The following ITPR2 variants were observed in gnomAD, a reference collection of about 807,000 sequenced individuals.
ITPR2 encodes the protein inositol 1,4,5-trisphosphate-gated calcium channel ITPR2.
ITPR2 carries 207 observed loss-of-function variants against 317.1 expected under a neutral mutation model. The ratio of observed to expected loss-of-function variants is 0.65; its 90% CI spans 0.58 to 0.73. The LOEUF is 0.73. ITPR2 is among the 30% of genes least tolerant of loss of function. The pLI is 0.00. For synonymous variants in ITPR2, 1,156 were observed against 1,149.1 expected (o/e 1.01, Z -0.12); for missense variants, 2,613 against 3,284.0 (o/e 0.80, Z 4.99).
chr12:26,539,506 C>A (rs963367573), intron 37 of ITPR2, among the ~76,000 whole-genome samples: 1 of 152,132 alleles, frequency 6.6e-6, no homozygotes. Context: ...TTGCTTGTTC[C>A]TACTGGATCC....
intron 55 of ITPR2, among the ~76,000 whole-genome samples, chr12:26,371,426 C>T (rs1045149990): frequency 2.0e-5 from 3 of 152,188 alleles, no homozygotes; most frequent in African/African-American, 7.2e-5. Context: ...GTTACCAAGA[C>T]ATCAAGAGTC....
rs184738786 is a variant in ITPR2, at chr12:26,695,609, A to G, written c.993T>C (p.Asn331=). Residue 331 remains asparagine, a synonymous_variant, in exon 10 of 57, where the codon AAT becomes AAC. Transcript: ENST00000381340. ...DYRDAQNEGK[N]VRDGVPPTSK... Reference sequence around the variant, plus strand: ...GAGAAAAGCCAGTTCTACTCACCACATTTTTTCCTTCATTTTGGGCATCTC... The same window carrying G: ...GAGAAAAGCCAGTTCTACTCACCACGTTTTTTCCTTCATTTTGGGCATCTC... 1.2e-6 allele frequency: 2 copies of G among 1,612,504 alleles called. No homozygotes were observed. Among genetic ancestry groups the G allele is most frequent in the East Asian group, 4.5e-5 (2 of 44,814 alleles).
intron 45 of ITPR2, among the ~76,000 whole-genome samples, chr12:26,466,805 A>G (rs1942180929): frequency 6.6e-6 from 1 of 152,214 alleles, no homozygotes. Flanking sequence ...TGTTTGCATA[A>G]TATTCTTGGT....
chr12:26,340,658 T>C (rs562013698), intron 55 of ITPR2, among the ~76,000 whole-genome samples: 6 of 152,280 alleles, frequency 3.9e-5, no homozygotes, highest in African/African-American at 1.4e-4. Context: ...GATCCAAGTG[T>C]GTGTGGGTAC....
chr12:26,460,451 C>T (rs1329879502), intron 45 of ITPR2, among the ~76,000 whole-genome samples: 1 of 152,058 alleles, frequency 6.6e-6, no homozygotes, highest in African/African-American at 2.4e-5. Flanking sequence ...TTCTGAGAAG[C>T]GGAGTTAACA....
intron 37 of ITPR2, among the ~76,000 whole-genome samples, chr12:26,514,476 T>C (rs542047363): frequency 6.6e-6 from 1 of 152,386 alleles, no homozygotes; most frequent in South Asian, 2.1e-4. Context: ...ATGATAATTA[T>C]TGGAAAGTAA....
chr12:26,612,377 T>C (rs1306845951), intron 26 of ITPR2, among the ~76,000 whole-genome samples: 1 of 152,210 alleles, frequency 6.6e-6, no homozygotes, highest in East Asian at 1.9e-4. Flanking sequence ...TTTGTAAGAT[T>C]TACTAAACAA....
In ITPR2 at chr12:26,658,027, T is replaced by C. The variant is rs770326512; in HGVS notation, c.1990A>G (p.Ile664Val). Residue 664 changes from isoleucine to valine, a missense_variant, in exon 17 of 57, where the codon ATT becomes GTT. Coordinates refer to ENST00000381340, the MANE Select transcript of ITPR2 (RefSeq NM_002223.4). ...KFMLSPGNAD[I>V]LIQTKVVSMQ... ...TGGGCTTACTTAGTTTGAATGAGAATGTCTGCATTGCCTGGACTCAACATA... is the reference window on the plus strand; with the variant it reads ...TGGGCTTACTTAGTTTGAATGAGAACGTCTGCATTGCCTGGACTCAACATA... 1.9e-6 allele frequency: 3 copies of C among 1,612,708 alleles called. No individual in the cohort carries two copies. The highest frequency in any genetic ancestry group is 2.5e-6 in the Non-Finnish European group (3 of 1,179,456).
At chr12:26,365,232 T>C (rs1172920284) in intron 55 of ITPR2, among the ~76,000 whole-genome samples, 1 of 152,158 alleles carries the variant, frequency 6.6e-6, no homozygotes, top group Non-Finnish European at 1.5e-5. Flanking sequence ...ACGGTGTCAC[T>C]ACAAAGAATG....
At chr12:26,516,394 G>C (rs921080524) in intron 37 of ITPR2, among the ~76,000 whole-genome samples, 1 of 150,902 alleles carries the variant, frequency 6.6e-6, no homozygotes, top group Non-Finnish European at 1.5e-5. Context: ...TGTTATGAAA[G>C]ATACCATCAG....
intron 34 of ITPR2, among the ~76,000 whole-genome samples, chr12:26,567,980 A>ATATATAT (rs1565609543): frequency 2.6e-4 from 2 of 7,606 alleles, no homozygotes; most frequent in South Asian, 6.3e-3. Context: ...TATATATATT[A>ATATATAT]TATATATATA....
intron 21 of ITPR2, among the ~76,000 whole-genome samples, chr12:26,634,729 AC>A (rs1355567632): frequency 6.6e-6 from 1 of 151,980 alleles, no homozygotes; most frequent in African/African-American, 2.4e-5. Context: ...TGTTAAAAAT[AC>A]AAAAACTAGC....
chr12:26,825,047 C>T (rs1950989635), intron 1 of ITPR2, among the ~76,000 whole-genome samples: 1 of 152,146 alleles, frequency 6.6e-6, no homozygotes, highest in Non-Finnish European at 1.5e-5. Context: ...GCCTGGCCAA[C>T]ATGGCAACAC....
In ITPR2 at chr12:26,775,811, T is replaced by C. The variant is rs550906734; in HGVS notation, c.163+14346A>G. Among the ~76,000 whole-genome samples the C allele has an allele frequency of 2.3e-4, 35 of 151,732 alleles. 1 individual carries two copies. Among genetic ancestry groups the C allele is most frequent in the Admixed American group, 5.3e-4 (8 of 15,226 alleles). On this transcript the variant is annotated intron_variant, in intron 2 of 56. Coordinates refer to ENST00000381340, the MANE Select transcript of ITPR2 (RefSeq NM_002223.4). ...GCTGGATGCTTCCTGCCATTGAACA[T>C]TGGACTCTAAGTTCTTCAGCTATGG...
intron 55 of ITPR2, among the ~76,000 whole-genome samples, chr12:26,367,464 T>A (rs1488727422): frequency 1.0e-5 from 1 of 97,726 alleles, no homozygotes; most frequent in Admixed American, 1.2e-4. Flanking sequence ...CATTTTCACA[T>A]CCACCAAATC....
At chr12:26,748,199 C>T (rs951513493) in intron 2 of ITPR2, among the ~76,000 whole-genome samples, 6 of 152,058 alleles carry the variant, frequency 3.9e-5, no homozygotes, top group African/African-American at 1.4e-4. Context: ...ACTGGGATTA[C>T]AGGAACCTGC....
intron 2 of ITPR2, among the ~76,000 whole-genome samples, chr12:26,747,020 T>C (rs528324696): frequency 5.3e-5 from 8 of 152,270 alleles, no homozygotes; most frequent in Admixed American, 3.3e-4. Context: ...AATTGAGCAA[T>C]TGACCAGATC....
intron 1 of ITPR2, among the ~76,000 whole-genome samples, chr12:26,821,739 T>C (rs1214372794): frequency 1.3e-5 from 2 of 152,192 alleles, no homozygotes; most frequent in Non-Finnish European, 2.9e-5. Context: ...GCTTTTGAGA[T>C]CAAATAGTAA....
intron 37 of ITPR2, among the ~76,000 whole-genome samples, chr12:26,547,612 G>T (rs1398134030): frequency 6.6e-6 from 1 of 152,248 alleles, no homozygotes; most frequent in East Asian, 1.9e-4. Flanking sequence ...CATGTTTACT[G>T]CAACATTATT....
Sources: allele counts gnomAD v4.1 joint callset (sites outside exome capture counted in the v4.1 genomes callset), GRCh38; gene constraint gnomAD v4.1.1; transcripts MANE v1.5; gene names NCBI Gene and HGNC (gene_info 2026-07-23, HGNC 2026-07-21).